RNF128: variants seen among roughly 807,000 people sequenced by gnomAD.
The protein encoded by RNF128 is ring finger protein 128.
In RNF128, 13 loss-of-function variants were observed where a neutral mutation model predicts 26.2. The observed-to-expected ratio is 0.50, with a 90% CI of 0.32 to 0.79. RNF128 has a LOEUF of 0.79. Ranked by LOEUF, RNF128 falls within the 30% of genes least tolerant of loss-of-function variation. The pLI is 0.03. For missense variants in RNF128, 315 were observed against 349.7 expected (o/e 0.90, Z 0.79); for synonymous variants, 149 against 142.5 (o/e 1.05, Z -0.32).
At chrX:106,754,231 T>G (rs1201173964) in intron 1 of RNF128, among the ~76,000 whole-genome samples, 2 of 109,445 alleles carry the variant, frequency 1.8e-5, no homozygotes, top group Admixed American at 9.9e-5. Context: ...TCTTTTTTCT[T>G]TTTTTTCAGA....
intron 1 of RNF128, among the ~76,000 whole-genome samples, chrX:106,695,939 T>C (rs1167357893): frequency 9.0e-6 from 1 of 111,580 alleles, no homozygotes. Flanking sequence ...GTAGGTACCC[T>C]GCCAGTAAAT....
intron 1 of RNF128, among the ~76,000 whole-genome samples, chrX:106,728,877 A>G (rs1929454346): frequency 8.9e-6 from 1 of 112,048 alleles, no homozygotes; most frequent in African/African-American, 3.2e-5. Flanking sequence ...TAGTTTTTAT[A>G]TTGATTAAAG....
intron 2 of RNF128, among the ~76,000 whole-genome samples, chrX:106,777,571 C>A (rs1930487581): frequency 8.9e-6 from 1 of 112,141 alleles, no homozygotes; most frequent in Admixed American, 9.5e-5. Context: ...TATTCTTCCA[C>A]TTCTGCCACA....
chrX:106,749,046 C>T (rs952917241), intron 1 of RNF128, among the ~76,000 whole-genome samples: 19 of 111,443 alleles, frequency 1.7e-4, no homozygotes, highest in African/African-American at 5.9e-4. Context: ...ATTTTTTTCT[C>T]AGGCAAAAGA....
rs915914392 is a variant in RNF128 at position 106,727,182 on chromosome X, C to A, written c.269C>A (p.Pro90His). 3 of 1,209,818 alleles carry A rather than the reference C, an allele frequency of 2.5e-6. No homozygotes were observed. Among genetic ancestry groups the A allele is most frequent in the Admixed American group, 4.4e-5 (2 of 45,943 alleles). Residue 90 changes from proline to histidine, a missense_variant, in exon 1 of 7, where the codon CCC becomes CAC. Transcript: ENST00000255499. Reference protein sequence around the residue: ...VAGVLVPPDGPGALNACNPHT... With the variant: ...VAGVLVPPDGHGALNACNPHT... ...GGGGTCCTGGTACCGCCCGACGGGC[C>A]CGGGGCGCTTAACGCCTGTAACCCG... is the stretch of plus-strand genomic sequence containing the variant.
intron 1 of RNF128, among the ~76,000 whole-genome samples, chrX:106,749,904 CAAAA>C (rs374223408): frequency 1.4e-5 from 1 of 71,556 alleles, no homozygotes. Context: ...GACCTTGTTT[CAAAA>C]AAAAAAAAAA....
intron 1 of RNF128, among the ~76,000 whole-genome samples, chrX:106,736,763 T>C (rs1055105619): frequency 1.8e-5 from 2 of 112,261 alleles, no homozygotes; most frequent in African/African-American, 6.5e-5. Context: ...ATGGGTTAAA[T>C]AATAATTTAT....
At position 106,726,741 on chromosome X, in the gene RNF128, G is replaced by T. The variant is rs957849272; in HGVS notation, c.-173G>T. The stretch of plus-strand genomic sequence containing the variant: ...ACTGGAGCTCCGAGGAGCTGCATCT[G>T]CGGCAACCTGTGTGCTGACGCTACG... On this transcript the variant is annotated 5_prime_UTR_variant, in exon 1 of 7. Coordinates refer to ENST00000255499, the MANE Select transcript of RNF128 (RefSeq NM_194463.2). 30 of 1,048,654 alleles carry T rather than the reference G, an allele frequency of 2.9e-5. No individual in the cohort carries two copies. The highest frequency in any genetic ancestry group is 3.6e-5 in the Non-Finnish European group (30 of 823,281). 86.4% of individuals were successfully genotyped at this position (1,048,654 alleles called of 1,213,427 possible).
intron 1 of RNF128, among the ~76,000 whole-genome samples, chrX:106,706,369 T>C (rs1001163212): frequency 9.3e-6 from 1 of 107,723 alleles, no homozygotes. Context: ...AAACCTCAAA[T>C]AAATGCTTCC....
chrX:106,788,381 T>TATATATAATATATATTATATATA (rs1930709331), intron 4 of RNF128, among the ~76,000 whole-genome samples: 1 of 39,556 alleles, frequency 2.5e-5, no homozygotes, highest in Non-Finnish European at 3.6e-5. Flanking sequence ...TATTATATAT[T>TATATATAATATATATTATATATA]ATATATAATA....
intron 1 of RNF128, among the ~76,000 whole-genome samples, chrX:106,748,996 T>C (rs1349624409): frequency 1.8e-5 from 2 of 112,078 alleles, no homozygotes; most frequent in Non-Finnish European, 1.9e-5. Context: ...CACAAAAATA[T>C]GTACAACTAT....
intron 1 of RNF128, among the ~76,000 whole-genome samples, chrX:106,750,290 A>C (rs1929860084): frequency 8.9e-6 from 1 of 112,116 alleles, no homozygotes; most frequent in African/African-American, 3.2e-5. Context: ...TGCCTATTTA[A>C]TTTTCACTTT....
intron 4 of RNF128, among the ~76,000 whole-genome samples, chrX:106,788,397 T>TATATATA (rs1189587784): frequency 0.038 from 1,580 of 41,442 alleles, 166 homozygotes; most frequent in African/African-American, 0.23. Context: ...TAATATATAT[T>TATATATA]ATATATAATA....
intron 1 of RNF128, among the ~76,000 whole-genome samples, chrX:106,762,717 T>C (rs1005512115): frequency 1.8e-5 from 2 of 110,671 alleles, no homozygotes; most frequent in African/African-American, 6.6e-5. Flanking sequence ...TTATGTTCTT[T>C]GCAGCAACAT....
At chrX:106,696,272 T>C (rs1373278161) in intron 1 of RNF128, among the ~76,000 whole-genome samples, 1 of 111,664 alleles carries the variant, frequency 9.0e-6, no homozygotes, top group Non-Finnish European at 1.9e-5. Context: ...CATATGATGA[T>C]ATCAACCCCA....
intron 1 of RNF128, among the ~76,000 whole-genome samples, chrX:106,701,954 A>G (rs1209166647): frequency 9.0e-6 from 1 of 111,468 alleles, no homozygotes; most frequent in Non-Finnish European, 1.9e-5. Flanking sequence ...TAGTAAGTAT[A>G]TAACATGTTA....
chrX:106,766,419 A>G (rs1337773343), intron 1 of RNF128, among the ~76,000 whole-genome samples: 1 of 112,169 alleles, frequency 8.9e-6, no homozygotes, highest in Non-Finnish European at 1.9e-5. Context: ...AAGTCGTGTG[A>G]GATGGTATCT....
intron 1 of RNF128, among the ~76,000 whole-genome samples, chrX:106,703,752 T>C (rs1394448664): frequency 5.4e-5 from 6 of 110,766 alleles, no homozygotes; most frequent in Admixed American, 2.9e-4. Context: ...ACATAGAAGG[T>C]GATAGCAGAG....
At chrX:106,717,450 T>C (rs1366027701) in intron 1 of RNF128, among the ~76,000 whole-genome samples, 1 of 111,886 alleles carries the variant, frequency 8.9e-6, no homozygotes, top group Non-Finnish European at 1.9e-5. Context: ...ATATTGCTGA[T>C]AATCTAGATA....
Sources: gnomAD v4.1 joint callset for allele counts (sites outside exome capture counted in the v4.1 genomes callset) on GRCh38, gnomAD v4.1.1 for gene constraint, MANE v1.5 for transcripts, NCBI Gene and HGNC (gene_info 2026-07-23, HGNC 2026-07-21) for gene names.